The following CACNA1C variants were observed in gnomAD, a reference collection of about 807,000 sequenced individuals.
The protein encoded by CACNA1C is calcium voltage-gated channel subunit alpha1 C.
A neutral mutation model predicts 229.0 loss-of-function variants in CACNA1C; 30 were observed. That is an observed-to-expected ratio of 0.13 (90% confidence interval 0.10 to 0.18). The LOEUF (loss-of-function observed/expected upper bound fraction) is 0.18. Among genes scored for constraint, CACNA1C ranks in the 10% least tolerant of loss-of-function variants. The pLI, the probability that CACNA1C is intolerant of heterozygous loss-of-function variation, is 1.00. For synonymous variants in CACNA1C, 1,114 were observed against 1,132.5 expected, an observed-to-expected ratio of 0.98 and a Z score of 0.33; for missense variants, 1,658 against 2,845.0, an observed-to-expected ratio of 0.58 and a Z score of 9.49.
At chr12:2,462,051 C>G (rs1351832727) in intron 5 of CACNA1C, among the ~76,000 whole-genome samples, 1 of 152,158 alleles carries the variant, frequency 6.6e-6, no homozygotes, top group East Asian at 1.9e-4. Flanking sequence ...TCTCACGCCT[C>G]CTTCCTCCCT....
Position 2,142,474 on chromosome 12 carries a change from G to A in CACNA1C, c.477+22044G>A, listed in dbSNP as rs577614001. Among the ~76,000 whole-genome samples the A allele has an allele frequency of 2.6e-4, 40 of 151,260 alleles. 2 individuals carry two copies. The highest frequency in any genetic ancestry group is 5.2e-4 in the Non-Finnish European group (35 of 67,614). Reference sequence around the variant, plus strand: ...TAATAAATGACTGTTACTGATTTACGTATTTACTGTGCTATACTTTTAACT... The same window carrying A: ...TAATAAATGACTGTTACTGATTTACATATTTACTGTGCTATACTTTTAACT... On this transcript the variant is annotated intron_variant, in intron 3 of 46. Coordinates refer to ENST00000399655, the MANE Select transcript of CACNA1C (RefSeq NM_000719.7).
chr12:2,504,238 G>A lies in CACNA1C; in HGVS notation c.1114-604G>A, dbSNP rs997450880. ...AGAGTGATTCCTCTTGAGGCAGAGC[G>A]GGCCGAGGTCCCCTTCGGTCACAGG... On this transcript the variant is annotated intron_variant, in intron 7 of 46. Transcript: ENST00000399655. This position sits in a 1 kb window ranked among gnomAD's most constrained non-coding sequence, Gnocchi z 6.8. Among the ~76,000 whole-genome samples the A allele has an allele frequency of 3.3e-5, 5 of 152,024 alleles. No individual in the cohort carries two copies. The highest frequency in any genetic ancestry group is 4.8e-5 in the African/African-American group (2 of 41,396).
intron 3 of CACNA1C, among the ~76,000 whole-genome samples, chr12:2,188,193 T>C (rs1408468071): frequency 6.6e-6 from 1 of 152,250 alleles, no homozygotes; most frequent in Non-Finnish European, 1.5e-5. Context: ...TTGGCAACTC[T>C]GCCTTTCCGC....
chr12:2,285,582 C>G lies in CACNA1C; in HGVS notation c.478-163394C>G, dbSNP rs1168990032. ...TCCTCATCCCAGACGGGTTGACTTT[C>G]AATGAGAGGACTCTGCTGTGCCGCA... On this transcript the variant is annotated intron_variant, in intron 3 of 46. Transcript: ENST00000399655. This position sits in a 1 kb window ranked among gnomAD's most constrained non-coding sequence, Gnocchi z 4.2. Among the ~76,000 whole-genome samples the G allele has an allele frequency of 6.6e-6, 1 of 152,146 alleles. No homozygotes were observed. The highest frequency in any genetic ancestry group is 1.5e-5 in the Non-Finnish European group (1 of 68,034).
At chr12:2,475,801 G>A (rs1332966200) in intron 5 of CACNA1C, among the ~76,000 whole-genome samples, 2 of 152,162 alleles carry the variant, frequency 1.3e-5, no homozygotes, top group African/African-American at 2.4e-5. Context: ...TTAAGTTAAT[G>A]TGAATTACAT....
chr12:2,554,596 C>T lies in CACNA1C; in HGVS notation c.1482-2355C>T, dbSNP rs2043056015. 2.0e-5 allele frequency among the ~76,000 whole-genome samples: 3 copies of T among 152,302 alleles called. No individual in the cohort carries two copies. The South Asian group carries it at 6.2e-4, about 32-fold the overall frequency. On this transcript the variant is annotated intron_variant, in intron 10 of 46. Transcript: ENST00000399655. ...GTGGACCAGCACCATGGCACCAAGG[C>T]ATCTGGGCTCCTGATGGCACCGAGG... is the stretch of plus-strand genomic sequence containing the variant.
intron 3 of CACNA1C, among the ~76,000 whole-genome samples, chr12:2,384,835 A>G (rs2154546591): frequency 6.6e-6 from 1 of 152,118 alleles, no homozygotes; most frequent in South Asian, 2.1e-4. Context: ...AGCAAAGCCC[A>G]CTCCTTGGCT....
intron 30 of CACNA1C, among the ~76,000 whole-genome samples, chr12:2,636,911 T>C (rs1355548629): frequency 6.6e-6 from 1 of 152,216 alleles, no homozygotes; most frequent in Non-Finnish European, 1.5e-5. Context: ...TTTGTGGCTT[T>C]GAAGTCCCAC....
intron 1 of CACNA1C, among the ~76,000 whole-genome samples, chr12:1,979,073 G>A (rs1206294028): frequency 3.3e-5 from 5 of 151,072 alleles, no homozygotes; most frequent in African/African-American, 1.2e-4. Flanking sequence ...GCAATGGCGC[G>A]ATCTTGGCTC....
rs114939230 is a variant in CACNA1C at position 2,683,383 on chromosome 12, C to T, written c.5573+705C>T. ...CATCTTTATGACTCTGAGTCACATC[C>T]ACAGAAGTTTGAGACACAGAGTGAC... On this transcript the variant is annotated intron_variant, in intron 43 of 46. Coordinates refer to ENST00000399655, the MANE Select transcript of CACNA1C (RefSeq NM_000719.7). 3.6e-3 allele frequency among the ~76,000 whole-genome samples: 541 copies of T among 152,284 alleles called. 1 individual carries two copies. Among genetic ancestry groups the T allele is most frequent in the African/African-American group, 0.012 (502 of 41,562 alleles).
chr12:2,665,691 G>A lies in CACNA1C; in HGVS notation c.4509G>A (p.Glu1503=), dbSNP rs1430258585. ...ATGAGTTTAAAAGAATCTGGGCAGA[G>A]TATGACCCTGAAGCCAAGTAAGTTC... ...HLDEFKRIWA[E]YDPEAKGRIK... Residue 1503 remains glutamate, a synonymous_variant, in exon 36 of 47, where the codon GAG becomes GAA. Coordinates refer to ENST00000399655, the MANE Select transcript of CACNA1C (RefSeq NM_000719.7). This position sits in a 1 kb window ranked among gnomAD's most constrained non-coding sequence, Gnocchi z 5.9. The A allele has an allele frequency of 1.9e-6, 3 of 1,613,200 alleles. No individual in the cohort carries two copies. In the South Asian group the frequency reaches 3.3e-5, roughly 18 times the overall value.
intron 3 of CACNA1C, among the ~76,000 whole-genome samples, chr12:2,205,467 T>G (rs930432037): frequency 6.6e-6 from 1 of 152,214 alleles, no homozygotes; most frequent in Admixed American, 6.5e-5. Flanking sequence ...CACCTTAACC[T>G]TTCATCTTGC....
chr12:2,619,917 C>T (rs1216340297), intron 29 of CACNA1C, among the ~76,000 whole-genome samples: 1 of 152,140 alleles, frequency 6.6e-6, no homozygotes, highest in Non-Finnish European at 1.5e-5. Context: ...AGACTTGTAG[C>T]ATCCCCAGTT....
At position 2,067,221 on chromosome 12, in the gene CACNA1C, A is replaced by T. The variant is rs2059581074; in HGVS notation, c.49+13610A>T. 2.0e-5 allele frequency among the ~76,000 whole-genome samples: 3 copies of T among 152,164 alleles called. No homozygotes were observed. The highest frequency in any genetic ancestry group is 2.1e-4 in the South Asian group (1 of 4,810). On this transcript the variant is annotated intron_variant, in intron 1 of 46. Transcript: ENST00000399655. The surrounding 1 kb of genome is among the most constrained non-coding windows in gnomAD (Gnocchi z 5.3). Reference sequence around the variant, plus strand: ...TGGCCAGTGGGATGCAGGAGCCAGGATGCATCGTTTTAGTGGGAGTCAGGG... The same window carrying T: ...TGGCCAGTGGGATGCAGGAGCCAGGTTGCATCGTTTTAGTGGGAGTCAGGG...
intron 3 of CACNA1C, among the ~76,000 whole-genome samples, chr12:2,280,255 G>A (rs1334677041): frequency 1.1e-5 from 1 of 89,986 alleles, no homozygotes; most frequent in Non-Finnish European, 2.0e-5. Context: ...GCTGTGCTTC[G>A]GTTTAACCTC....
intron 3 of CACNA1C, among the ~76,000 whole-genome samples, chr12:2,437,849 ATGATGGTGGTGATGG>A (rs1470385916): frequency 2.3e-5 from 2 of 88,586 alleles, no homozygotes; most frequent in Admixed American, 2.9e-4. Flanking sequence ...GATGGTGGTG[ATGATGGTGGTGATGG>A]TGGTGGTAAT....
chr12:2,242,355 T>A (rs2070847464), intron 3 of CACNA1C, among the ~76,000 whole-genome samples: 1 of 152,148 alleles, frequency 6.6e-6, no homozygotes, highest in Non-Finnish European at 1.5e-5. Context: ...TACTGACACT[T>A]GGCCTCCGTG....
intron 3 of CACNA1C, among the ~76,000 whole-genome samples, chr12:2,293,808 C>CA (rs1424506133): frequency 6.6e-6 from 1 of 152,140 alleles, no homozygotes; most frequent in Non-Finnish European, 1.5e-5. Context: ...CCTACCACGG[C>CA]CTAAAATAGT....
intron 4 of CACNA1C, among the ~76,000 whole-genome samples, chr12:2,453,154 G>C (rs1383926190): frequency 6.6e-6 from 1 of 152,156 alleles, no homozygotes; most frequent in African/African-American, 2.4e-5. Context: ...AGCTCCTCTG[G>C]ACTAGAGGAG....
Sources: gnomAD v4.1 joint callset for allele counts (sites outside exome capture counted in the v4.1 genomes callset) on GRCh38, gnomAD v4.1.1 for gene constraint, Gnocchi (gnomAD v3.1) non-coding constraint, MANE v1.5 for transcripts, NCBI Gene and HGNC (gene_info 2026-07-23, HGNC 2026-07-21) for gene names.